The following ABHD2 variants were observed in gnomAD, a reference collection of about 807,000 sequenced individuals.
ABHD2 encodes the protein monoacylglycerol lipase ABHD2.
ABHD2 carries 20 observed loss-of-function variants against 48.1 expected under a neutral mutation model. The observed-to-expected ratio is 0.42, with a 90% confidence interval of 0.29 to 0.60. ABHD2 has a LOEUF of 0.60. Among genes scored for constraint, ABHD2 ranks in the 20% least tolerant of loss-of-function variants. ABHD2 has a pLI of 0.24. For synonymous variants in ABHD2, 209 were observed against 214.2 expected, an observed-to-expected ratio of 0.98 and a Z score of 0.21; for missense variants, 405 against 550.9, an observed-to-expected ratio of 0.74 and a Z score of 2.65.
At chr15:89,061,916 A>G in the ABHD2 span, among the ~76,000 whole-genome samples, 11 of 152,180 alleles carry the variant, frequency 7.2e-5, no homozygotes, top group Non-Finnish European at 1.5e-4. Context: ...CAGGGCAAAC[A>G]TATTAATAGC....
At chr15:89,098,507 T>G (rs1369884191) in intron 1 of ABHD2, among the ~76,000 whole-genome samples, 1 of 152,174 alleles carries the variant, frequency 6.6e-6, no homozygotes, top group Non-Finnish European at 1.5e-5. Context: ...TAACTGAGCT[T>G]CCAACCCCTT....
At chr15:89,055,156 C>G in the ABHD2 span, among the ~76,000 whole-genome samples, 1 of 152,114 alleles carries the variant, frequency 6.6e-6, no homozygotes, top group East Asian at 1.9e-4. Flanking sequence ...CATGATTGCG[C>G]CACTGTACTT....
In ABHD2 at chr15:89,097,280, T is replaced by A. The variant is rs967584586; in HGVS notation, c.-107+8717T>A. On this transcript the variant is annotated intron_variant, in intron 1 of 10. Transcript: ENST00000352732. The surrounding 1 kb of genome is among the most constrained non-coding windows in gnomAD (Gnocchi z 4.2). ...CAGCTCACATTAATTTTGAAATAGA[T>A]CCCAAACATCATATAGTTGCATCTG... Among the ~76,000 whole-genome samples the A allele has an allele frequency of 1.4e-4, 22 of 152,188 alleles. No individual in the cohort carries two copies. Among genetic ancestry groups the A allele is most frequent in the Admixed American group, 7.2e-4 (11 of 15,278 alleles).
intron 9 of ABHD2, 59 bp downstream of exon 9, chr15:89,191,208 C>G: frequency 1.3e-6 from 2 of 1,522,800 alleles, no homozygotes; most frequent in South Asian, 1.2e-5. Context: ...GCACACAATA[C>G]GACAGATACC....
At chr15:89,193,597 A>G (rs2051342474) in intron 10 of ABHD2, 1 of 467,766 alleles carries the variant, frequency 2.1e-6, no homozygotes, top group Non-Finnish European at 3.8e-6. Flanking sequence ...GTTCTATGAG[A>G]TTATCTCAGG....
intron 3 of ABHD2, among the ~76,000 whole-genome samples, chr15:89,149,283 G>A (rs1439634015): frequency 6.6e-6 from 1 of 152,032 alleles, no homozygotes; most frequent in South Asian, 2.1e-4. Context: ...AGAATGGGGT[G>A]TTAGGTAGGC....
chr15:89,162,981 A>G (rs930236166), intron 5 of ABHD2, among the ~76,000 whole-genome samples: 4 of 152,202 alleles, frequency 2.6e-5, no homozygotes, highest in Non-Finnish European at 4.4e-5. Context: ...GTAAAATGAT[A>G]CTTTACAAAC....
the ABHD2 span, among the ~76,000 whole-genome samples, chr15:89,064,127 C>G: frequency 1.3e-5 from 2 of 151,660 alleles, no homozygotes; most frequent in East Asian, 1.9e-4. Flanking sequence ...TTGTGTCTGG[C>G]TTATTTAGCA....
intron 1 of ABHD2, among the ~76,000 whole-genome samples, chr15:89,096,986 A>C (rs2049623074): frequency 6.6e-6 from 1 of 152,242 alleles, no homozygotes; most frequent in Non-Finnish European, 1.5e-5. Context: ...TATTTTCCAC[A>C]GGCAACTCAT....
chr15:89,122,302 C>T (rs1210743920), intron 3 of ABHD2, among the ~76,000 whole-genome samples: 1 of 152,210 alleles, frequency 6.6e-6, no homozygotes, highest in East Asian at 1.9e-4. Flanking sequence ...TTCTTTATCA[C>T]TGGAATATAC....
At chr15:89,105,277 A>C (rs2049766458) in intron 1 of ABHD2, among the ~76,000 whole-genome samples, 1 of 152,256 alleles carries the variant, frequency 6.6e-6, no homozygotes, top group Non-Finnish European at 1.5e-5. Context: ...CTGGTGACTC[A>C]GTCTTCAGAC....
rs916189885 is a variant in ABHD2 at position 89,116,748 on chromosome 15, G to A, written c.194+227G>A. 3.3e-5 allele frequency among the ~76,000 whole-genome samples: 5 copies of A among 152,200 alleles called. No individual in the cohort carries two copies. The South Asian group carries it at 1.0e-3, about 31-fold the overall frequency. ...AACATTCCTTCCTCTACAGTGTGAT[G>A]TCATTATCCATGACAGGGACTTTGC... On this transcript the variant is annotated intron_variant, in intron 3 of 10. Coordinates refer to ENST00000352732, the MANE Select transcript of ABHD2 (RefSeq NM_152924.5). This position sits in a 1 kb window ranked among gnomAD's most constrained non-coding sequence, Gnocchi z 4.6.
chr15:89,071,437 A>T, the ABHD2 span, among the ~76,000 whole-genome samples: 1 of 152,082 alleles, frequency 6.6e-6, no homozygotes, highest in Admixed American at 6.5e-5. Flanking sequence ...AAAAAAAAAG[A>T]CATAGGGTTT....
At chr15:89,171,445 C>T (rs188598668) in intron 5 of ABHD2, among the ~76,000 whole-genome samples, 1 of 152,184 alleles carries the variant, frequency 6.6e-6, no homozygotes, top group Non-Finnish European at 1.5e-5. Context: ...TAATATATAA[C>T]CTCCGTGCAG....
chr15:89,085,997 T>G (rs1231890368), upstream of ABHD2, among the ~76,000 whole-genome samples: 1 of 152,004 alleles, frequency 6.6e-6, no homozygotes, highest in Non-Finnish European at 1.5e-5. This position sits in a 1 kb window ranked among gnomAD's most constrained non-coding sequence, Gnocchi z 4.2. Context: ...TACATAGATA[T>G]GTGTACACAC....
intron 1 of ABHD2, among the ~76,000 whole-genome samples, chr15:89,112,547 A>C (rs141351278): frequency 1.7e-3 from 254 of 152,288 alleles, no homozygotes; most frequent in African/African-American, 5.7e-3. Context: ...TAATAATTGG[A>C]AGCTGGGCAA....
chr15:89,058,406 C>G, the ABHD2 span, among the ~76,000 whole-genome samples: 39 of 152,272 alleles, frequency 2.6e-4, 1 homozygote, highest in South Asian at 7.7e-3. Flanking sequence ...GAAGAGAGAC[C>G]TAGAGAAAAT....
At position 89,197,787 on chromosome 15, in the gene ABHD2, G is replaced by A. The variant is rs1488083429; in HGVS notation, c.*2364G>A. 1.3e-5 allele frequency: 2 copies of A among 152,320 alleles called. No individual in the cohort carries two copies. Among genetic ancestry groups the A allele is most frequent in the African/African-American group, 4.8e-5 (2 of 41,566 alleles). The allele number at this position is 152,320 out of a possible 1,614,324, so 9.4% of individuals were successfully genotyped here. A position where few individuals can be genotyped will look rare whatever the true frequency, so the allele number is the denominator to read the frequency against. On this transcript the variant is annotated 3_prime_UTR_variant, in exon 11 of 11. Coordinates refer to ENST00000352732, the MANE Select transcript of ABHD2 (RefSeq NM_152924.5). The surrounding 1 kb of genome is among the most constrained non-coding windows in gnomAD (Gnocchi z 4.4). ...CATAGCCTTTGTTGCCACACAACCG[G>A]AATTTGCTCCCCCAGGACTGTGGGA...
chr15:89,066,277 T>G, the ABHD2 span, among the ~76,000 whole-genome samples: 59 of 152,166 alleles, frequency 3.9e-4, no homozygotes, highest in African/African-American at 1.4e-3. Flanking sequence ...GAGGATCCCT[T>G]TCTTGCCTCT....
Sources: allele counts gnomAD v4.1 joint callset (sites outside exome capture counted in the v4.1 genomes callset), GRCh38; gene constraint gnomAD v4.1.1; non-coding constraint Gnocchi (gnomAD v3.1); transcripts MANE v1.5; gene names NCBI Gene and HGNC (gene_info 2026-07-23, HGNC 2026-07-21).